ARPC1A: variants seen among roughly 807,000 people sequenced by gnomAD.
ARPC1A encodes the protein actin-related protein 2/3 complex subunit 1A.
A neutral mutation model predicts 46.9 loss-of-function variants in ARPC1A; 8 were observed. That is an observed-to-expected ratio of 0.17 (90% CI 0.10 to 0.31). The LOEUF is 0.31. ARPC1A is among the 10% of genes least tolerant of loss of function. The pLI is 1.00. For missense variants in ARPC1A, 286 were observed against 483.6 expected (o/e 0.59, Z 3.83); for synonymous variants, 152 against 169.0 (o/e 0.90, Z 0.78).
chr7:99,361,049 T>A (rs1332211793), intron 8 of ARPC1A, among the ~76,000 whole-genome samples: 1 of 152,088 alleles, frequency 6.6e-6, no homozygotes, highest in East Asian at 1.9e-4. Flanking sequence ...GAGAAGCCTT[T>A]TATGTTTAGA....
intron 6 of ARPC1A, among the ~76,000 whole-genome samples, chr7:99,355,079 A>C (rs1793606965): frequency 1.3e-5 from 2 of 149,184 alleles, no homozygotes; most frequent in African/African-American, 5.0e-5. Flanking sequence ...GCACCACTGT[A>C]CTCCAGCCTG....
intron 3 of ARPC1A, among the ~76,000 whole-genome samples, chr7:99,343,924 T>C (rs1323585994): frequency 1.3e-5 from 2 of 152,200 alleles, no homozygotes; most frequent in South Asian, 4.1e-4. Flanking sequence ...ATGAATACAG[T>C]TATTTTCACA....
chr7:99,346,309 A>T (rs927169715), intron 4 of ARPC1A, among the ~76,000 whole-genome samples: 5 of 152,196 alleles, frequency 3.3e-5, no homozygotes, highest in Non-Finnish European at 5.9e-5. Flanking sequence ...CCTGCTAGAA[A>T]CTATTTGGAA....
At chr7:99,336,136 A>C (rs575859965) in intron 2 of ARPC1A, among the ~76,000 whole-genome samples, 4 of 152,292 alleles carry the variant, frequency 2.6e-5, no homozygotes, top group South Asian at 4.1e-4. Flanking sequence ...AATTATTTTT[A>C]ATACAGATGC....
chr7:99,359,779 C>A (rs1562803321), intron 8 of ARPC1A, 41 bp downstream of exon 8: 1 of 1,602,998 alleles, frequency 6.2e-7, no homozygotes, highest in Non-Finnish European at 8.5e-7. Context: ...TGACAAGGTG[C>A]CTTCCTGCCC....
intron 2 of ARPC1A, among the ~76,000 whole-genome samples, chr7:99,334,000 T>C (rs528452591): frequency 6.8e-6 from 1 of 147,178 alleles, no homozygotes; most frequent in South Asian, 2.1e-4. Flanking sequence ...ACTGTGTGTG[T>C]GTGTACACAC....
intron 1 of ARPC1A, among the ~76,000 whole-genome samples, chr7:99,332,678 A>G (rs931992563): frequency 1.1e-4 from 17 of 149,428 alleles, no homozygotes; most frequent in African/African-American, 3.2e-4. Context: ...ATGTCGGCTC[A>G]CTGCAAGCTC....
chr7:99,354,098 T>C lies in ARPC1A; in HGVS notation c.690T>C (p.Val230=). ...AWVSHDSTVS[V]ADASKSVQVS... is the part of the protein sequence containing the mutation. ...TCAGCCACGACAGCACCGTGTCTGTTGCTGATGCCTCAAAAAGTGTGCAGT... is the reference window on the plus strand; with the variant it reads ...TCAGCCACGACAGCACCGTGTCTGTCGCTGATGCCTCAAAAAGTGTGCAGT... Residue 230 remains valine (V), a synonymous_variant, in exon 6 of 10, where the codon GTT becomes GTC. Transcript: ENST00000262942. The C allele has an allele frequency of 6.2e-7, 1 of 1,613,982 alleles. No individual in the cohort carries two copies. Among genetic ancestry groups the C allele is most frequent in the Non-Finnish European group, 8.5e-7 (1 of 1,179,890 alleles).
intron 4 of ARPC1A, among the ~76,000 whole-genome samples, chr7:99,346,810 T>G (rs1793459905): frequency 1.3e-5 from 2 of 152,120 alleles, no homozygotes; most frequent in African/African-American, 4.8e-5. Flanking sequence ...AAACCCCATC[T>G]CTACTAAAAA....
chr7:99,326,830 C>T (rs1027646356), intron 1 of ARPC1A, among the ~76,000 whole-genome samples: 1 of 152,206 alleles, frequency 6.6e-6, no homozygotes, highest in African/African-American at 2.4e-5. Flanking sequence ...CCTCCACTCT[C>T]CCCAAACACC....
intron 3 of ARPC1A, chr7:99,339,800 C>T: frequency 1.1e-5 from 3 of 281,498 alleles, no homozygotes; most frequent in East Asian, 8.0e-5. Context: ...ATAGGCATCC[C>T]TTGATTTCTG....
At chr7:99,359,372 G>A in intron 7 of ARPC1A, among the ~76,000 whole-genome samples, 173 bp from the exon 8 acceptor site, 1 of 151,062 alleles carries the variant, frequency 6.6e-6, no homozygotes, top group African/African-American at 2.4e-5. Flanking sequence ...GGAAGCAGAG[G>A]TTGTGGTGAC....
Position 99,366,006 on chromosome 7 carries a change from G to T in ARPC1A, c.*77G>T. On this transcript the variant is annotated 3_prime_UTR_variant, in exon 10 of 10. Transcript: ENST00000262942. ...TGTGCCGTGGCACGATGGCGAGGAA[G>T]CCAGCCCCAAGGAAACACTGAAAAC... The T allele has an allele frequency of 6.7e-7, 1 of 1,490,098 alleles. No homozygotes were observed. The allele number at this position is 1,490,098 out of a possible 1,614,324, so 92.3% of individuals were successfully genotyped here. A position where few individuals can be genotyped will look rare whatever the true frequency, so the allele number is the denominator to read the frequency against.
At chr7:99,337,378 G>A (rs189355143) in intron 2 of ARPC1A, among the ~76,000 whole-genome samples, 9 of 152,242 alleles carry the variant, frequency 5.9e-5, no homozygotes, top group Admixed American at 5.9e-4. Flanking sequence ...CCAAGATCGC[G>A]CCATTGCACT....
intron 8 of ARPC1A, 57 bp downstream of exon 8, chr7:99,359,795 T>G (rs570930302): frequency 1.3e-6 from 2 of 1,585,042 alleles, no homozygotes; most frequent in African/African-American, 2.7e-5. Context: ...TGCCCCTCGC[T>G]GTTTCCTTAC....
chr7:99,354,955 A>T lies in ARPC1A; in HGVS notation c.713+834A>T, dbSNP rs1793605403. ...TGGAGAAACCCCATCTCTACTAAAA[A>T]TACAGAAAATTAGCTGGACGTGGTG... On this transcript the variant is annotated intron_variant, in intron 6 of 9. Transcript: ENST00000262942. 2.0e-5 allele frequency among the ~76,000 whole-genome samples: 3 copies of T among 152,166 alleles called. No individual in the cohort carries two copies. The East Asian group carries it at 5.8e-4, about 29-fold the overall frequency.
At chr7:99,342,183 A>G (rs2150864213) in intron 3 of ARPC1A, among the ~76,000 whole-genome samples, 1 of 152,280 alleles carries the variant, frequency 6.6e-6, no homozygotes, top group South Asian at 2.1e-4. Flanking sequence ...CCTTTCCTGT[A>G]CTAATTTGAA....
chr7:99,327,947 A>C (rs888408129), intron 1 of ARPC1A, among the ~76,000 whole-genome samples: 1 of 152,122 alleles, frequency 6.6e-6, no homozygotes, highest in Non-Finnish European at 1.5e-5. Context: ...CTGACCCTAA[A>C]CAGGGGACAG....
chr7:99,363,313 C>T (rs1584389103), intron 8 of ARPC1A, among the ~76,000 whole-genome samples: 2 of 152,262 alleles, frequency 1.3e-5, no homozygotes, highest in East Asian at 3.9e-4. Flanking sequence ...AGCGTGGTGG[C>T]TTATGCCTGT....
Sources: allele counts gnomAD v4.1 joint callset (sites outside exome capture counted in the v4.1 genomes callset), GRCh38; gene constraint gnomAD v4.1.1; transcripts MANE v1.5; gene names NCBI Gene and HGNC (gene_info 2026-07-23, HGNC 2026-07-21).